Variants in TCF4 observed in about 807,000 individuals in gnomAD.
The protein encoded by TCF4 is transcription factor 4, also known as SL3-3 enhancer factor 2.
TCF4 carries 3 observed loss-of-function variants against 82.1 expected under a neutral mutation model. The observed-to-expected ratio is 0.04, with a 90% CI of 0.02 to 0.09. The LOEUF is 0.09. Ranked by LOEUF, TCF4 falls within the 10% of genes least tolerant of loss-of-function variation. The probability of loss-of-function intolerance (pLI) is 1.00; values close to 1 mark genes in which losing one functional copy is unlikely to be tolerated. For missense variants in TCF4, 518 were observed against 852.7 expected (o/e 0.61, Z 4.89); for synonymous variants, 276 against 309.6 (o/e 0.89, Z 1.14).
At chr18:55,501,053 G>C (rs2096694064) in intron 3 of TCF4, among the ~76,000 whole-genome samples, 1 of 152,170 alleles carries the variant, frequency 6.6e-6, no homozygotes, top group South Asian at 2.1e-4. Context: ...GAAAGGTCTA[G>C]TTAATGTTTA....
intron 8 of TCF4, among the ~76,000 whole-genome samples, chr18:55,282,410 T>C (rs1206745138): frequency 2.0e-5 from 3 of 152,072 alleles, no homozygotes; most frequent in Non-Finnish European, 4.4e-5. Context: ...GTTCAGTTTA[T>C]CTCTAATGGT....
chr18:55,288,029 C>T (rs752477252), intron 8 of TCF4, among the ~76,000 whole-genome samples: 54 of 152,172 alleles, frequency 3.5e-4, no homozygotes, highest in Non-Finnish European at 5.9e-4. Context: ...CAAATTAAAT[C>T]TGCAGAGTGG....
intron 3 of TCF4, among the ~76,000 whole-genome samples, chr18:55,555,813 C>T (rs1484370722): frequency 1.3e-5 from 2 of 152,140 alleles, no homozygotes; most frequent in Non-Finnish European, 2.9e-5. Context: ...TATCGGTGTA[C>T]ATTTAACCTT....
At chr18:55,502,687 A>AT (rs1278970644) in intron 3 of TCF4, among the ~76,000 whole-genome samples, 3 of 152,164 alleles carry the variant, frequency 2.0e-5, no homozygotes, top group Non-Finnish European at 4.4e-5. Context: ...TAAAATTACT[A>AT]TTTTATTGAG....
intron 5 of TCF4, among the ~76,000 whole-genome samples, chr18:55,459,555 G>T (rs1468434448): frequency 1.3e-5 from 2 of 152,136 alleles, no homozygotes; most frequent in Non-Finnish European, 2.9e-5. Context: ...ATTTTCAAGT[G>T]AATCTTTTAT....
chr18:55,304,413 G>GAT (rs1341241437), intron 8 of TCF4, among the ~76,000 whole-genome samples: 3 of 152,104 alleles, frequency 2.0e-5, no homozygotes, highest in African/African-American at 7.2e-5. Context: ...AGTGCCTTAA[G>GAT]ATACATAGAA....
chr18:55,615,307 A>C (rs1235825752), intron 2 of TCF4, among the ~76,000 whole-genome samples: 1 of 152,160 alleles, frequency 6.6e-6, no homozygotes, highest in Admixed American at 6.5e-5. Context: ...AGATGTATCT[A>C]TACATGTACA....
chr18:55,430,060 A>G (rs1299317113), intron 5 of TCF4, among the ~76,000 whole-genome samples: 2 of 152,142 alleles, frequency 1.3e-5, no homozygotes, highest in Admixed American at 1.3e-4. Flanking sequence ...TACGTGGTAT[A>G]TTTTTAAATA....
chr18:55,388,066 C>T (rs897960728), intron 6 of TCF4, among the ~76,000 whole-genome samples: 5 of 152,212 alleles, frequency 3.3e-5, no homozygotes, highest in Admixed American at 3.3e-4. Flanking sequence ...CTGACTCTAA[C>T]ATTCTATCTT....
intron 2 of TCF4, among the ~76,000 whole-genome samples, chr18:55,606,148 A>G (rs2097701997): frequency 6.6e-6 from 1 of 152,200 alleles, no homozygotes; most frequent in African/African-American, 2.4e-5. Flanking sequence ...ATGAGATTCA[A>G]TAACGGTAAC....
At chr18:55,454,875 T>C (rs763269224) in intron 5 of TCF4, among the ~76,000 whole-genome samples, 2 of 152,160 alleles carry the variant, frequency 1.3e-5, no homozygotes, top group Non-Finnish European at 2.9e-5. Context: ...CAGGCAGCTG[T>C]AGCAAAACAG....
chr18:55,590,005 G>A (rs138622374), upstream of TCF4, among the ~76,000 whole-genome samples: 510 of 152,324 alleles, frequency 3.3e-3, no homozygotes, highest in Middle Eastern at 6.8e-3. Context: ...CGGCACTGTG[G>A]GAGTTCCCGA....
At chr18:55,283,224 C>A (rs1307237634) in intron 8 of TCF4, among the ~76,000 whole-genome samples, 1 of 150,460 alleles carries the variant, frequency 6.6e-6, no homozygotes, top group African/African-American at 2.4e-5. Context: ...AGAAGTATTA[C>A]TATGGTACAT....
intron 16 of TCF4, among the ~76,000 whole-genome samples, chr18:55,234,048 G>T (rs2048658415): frequency 6.6e-6 from 1 of 152,072 alleles, no homozygotes. Context: ...ACTTCCTGGG[G>T]TCATGAAAAG....
In TCF4 at chr18:55,318,834, C is replaced by G. The variant is rs115065555; in HGVS notation, c.549+31525G>C. Among the ~76,000 whole-genome samples the G allele has an allele frequency of 1.4e-4, 22 of 152,168 alleles. No homozygotes were observed. In the South Asian group the frequency reaches 4.1e-3, roughly 29 times the overall value. On this transcript the variant is annotated intron_variant, in intron 8 of 19. Coordinates refer to ENST00000354452, the MANE Select transcript of TCF4 (RefSeq NM_001083962.2). ...TAGAGGACAACTGATTTTACAAACC[C>G]TATAGTTGCCAGTTCATAAAAGAAG...
At chr18:55,401,020 T>C in intron 6 of TCF4, 1 of 1,289,114 alleles carries the variant, frequency 7.8e-7, no homozygotes, top group African/African-American at 1.5e-5. Flanking sequence ...CAGTGGGGAA[T>C]CATTTCAGCT....
At chr18:55,627,783 G>A (rs946171673) in intron 2 of TCF4, among the ~76,000 whole-genome samples, 13 of 150,460 alleles carry the variant, frequency 8.6e-5, no homozygotes, top group Admixed American at 5.3e-4. Context: ...AAACAAGGCC[G>A]GGTGCAGTGG....
At chr18:55,612,938 ACT>A (rs990019671) in intron 2 of TCF4, among the ~76,000 whole-genome samples, 1 of 151,998 alleles carries the variant, frequency 6.6e-6, no homozygotes, top group African/African-American at 2.4e-5. Context: ...ACAGAGCAAG[ACT>A]CTGTCTCAAA....
chr18:55,428,452 C>CTTA (rs1203500713), intron 5 of TCF4, among the ~76,000 whole-genome samples: 1 of 152,184 alleles, frequency 6.6e-6, no homozygotes, highest in African/African-American at 2.4e-5. Flanking sequence ...TCTGCACACC[C>CTTA]TTAAATTCAA....
Sources: gnomAD v4.1 joint callset for allele counts (sites outside exome capture counted in the v4.1 genomes callset) on GRCh38, gnomAD v4.1.1 for gene constraint, MANE v1.5 for transcripts, NCBI Gene and HGNC (gene_info 2026-07-23, HGNC 2026-07-21) for gene names.